The following TLE3 variants were observed in gnomAD, a reference collection of about 807,000 sequenced individuals.
TLE3 encodes the protein transducin-like enhancer protein 3.
A neutral mutation model predicts 93.0 loss-of-function variants in TLE3; 14 were observed. That is an observed-to-expected ratio of 0.15 (90% CI 0.10 to 0.24). The LOEUF (loss-of-function observed/expected upper bound fraction) is 0.24. TLE3 is among the 10% of genes least tolerant of loss of function. The pLI, the probability that TLE3 is intolerant of heterozygous loss-of-function variation, is 1.00. For missense variants in TLE3, 693 were observed against 1,046.6 expected (o/e 0.66, Z 4.66); for synonymous variants, 451 against 425.0 (o/e 1.06, Z -0.75).
At chr15:70,096,555 A>G in intron 1 of TLE3, 1 of 1,434,516 alleles carries the variant, frequency 7.0e-7, no homozygotes, top group Admixed American at 2.0e-5. Flanking sequence ...GACCGCGTGA[A>G]CAGCTCCCCC....
chr15:70,085,303 A>G (rs1045030826), intron 4 of TLE3, among the ~76,000 whole-genome samples: 2 of 152,180 alleles, frequency 1.3e-5, no homozygotes, highest in Non-Finnish European at 2.9e-5. Context: ...CATGAAGACA[A>G]ATCTCCCAGC....
intron 6 of TLE3, among the ~76,000 whole-genome samples, chr15:70,072,902 A>G (rs2057257320): frequency 6.6e-6 from 1 of 152,240 alleles, no homozygotes; most frequent in South Asian, 2.1e-4. Context: ...ACATTAAAAT[A>G]TCATGATTTC....
At chr15:70,059,489 A>C in intron 9 of TLE3, 29 bp from the exon 10 acceptor site, 1 of 1,595,024 alleles carries the variant, frequency 6.3e-7, no homozygotes, top group Non-Finnish European at 8.5e-7. Flanking sequence ...CCAACTGGTC[A>C]GTAAGAGGCC....
chr15:70,067,039 C>A, intron 6 of TLE3: 1 of 174,158 alleles, frequency 5.7e-6, no homozygotes, highest in Non-Finnish European at 1.3e-5. Context: ...CAGTAGCTAA[C>A]ATTTACAAAG....
chr15:70,068,136 T>C (rs1000734171), intron 6 of TLE3, among the ~76,000 whole-genome samples: 1 of 152,252 alleles, frequency 6.6e-6, no homozygotes, highest in Non-Finnish European at 1.5e-5. Context: ...AACTAATACA[T>C]GCCCATTTTA....
In TLE3 at chr15:70,056,905, C is replaced by T. The variant is rs185978023; in HGVS notation, c.1252-531G>A. Among the ~76,000 whole-genome samples, 494 of 152,208 alleles carry T rather than the reference C, an allele frequency of 3.2e-3. 4 individuals are homozygous for T. Among genetic ancestry groups the T allele is most frequent in the African/African-American group, 0.011 (476 of 41,504 alleles). On this transcript the variant is annotated intron_variant, in intron 13 of 19. Transcript: ENST00000451782. ...ACCTCCCGAATAGCGCCTGCCACCA[C>T]GCCCGGCTAATTTTTGTATTTTTAG...
At chr15:70,072,645 A>G (rs2057243778) in intron 6 of TLE3, among the ~76,000 whole-genome samples, 1 of 152,186 alleles carries the variant, frequency 6.6e-6, no homozygotes, top group Non-Finnish European at 1.5e-5. Context: ...CCTCCTAAAC[A>G]TCATAATCAC....
At position 70,055,077 on chromosome 15, in the gene TLE3, T is replaced by C; in HGVS notation, c.1550A>G (p.Lys517Arg). ...GCAGTCCAGCTGGGAGATGGGGCTC[T>C]TGCTGCCTGGCTGGCTGATGTCCCA... is the stretch of plus-strand genomic sequence containing the variant. ...KIWDISQPGS[K>R]SPISQLDCLN... The change falls in exon 15 of 20, where the codon AAG becomes AGG. Residue 517 changes from lysine (K) to arginine (R), a missense_variant. Coordinates refer to ENST00000451782, the MANE Select transcript of TLE3 (RefSeq NM_001105192.3). 1 of 1,613,522 alleles carries C rather than the reference T, an allele frequency of 6.2e-7. No homozygotes were observed. The highest frequency in any genetic ancestry group is 1.1e-5 in the South Asian group (1 of 90,978).
intron 17 of TLE3, 141 bp from the exon 18 acceptor site, chr15:70,052,665 T>A: frequency 1.3e-6 from 1 of 778,298 alleles, no homozygotes; most frequent in Non-Finnish European, 1.8e-6. Context: ...GTATGGGAGG[T>A]CATTTTCCAT....
At chr15:70,051,090 GC>G (rs1258518787) in intron 19 of TLE3, 4 of 230,454 alleles carry the variant, frequency 1.7e-5, no homozygotes, top group Non-Finnish European at 2.6e-5. Context: ...CCAGCCCAGA[GC>G]AAAAACACTT....
Position 70,075,997 on chromosome 15 carries a change from A to G in TLE3, c.297+99T>C, listed in dbSNP as rs2057422851. On this transcript the variant is annotated intron_variant, in intron 5 of 19. Transcript: ENST00000451782. The stretch of plus-strand genomic sequence containing the variant: ...AGTCAGTATGAATGGACAGGGGCTG[A>G]GGCTGGGGCTGGGGCTGGGGCTCAG... 7 of 1,128,606 alleles carry G rather than the reference A, an allele frequency of 6.2e-6. No individual in the cohort carries two copies. The Admixed American group carries it at 1.1e-4, about 17-fold the overall frequency. 69.9% of individuals were successfully genotyped at this position (1,128,606 alleles called of 1,614,324 possible).
At chr15:70,060,939 C>T (rs1450798440) in intron 8 of TLE3, among the ~76,000 whole-genome samples, 6 of 152,210 alleles carry the variant, frequency 3.9e-5, no homozygotes, top group Non-Finnish European at 7.3e-5. Flanking sequence ...GCCTTCTGGC[C>T]TGTGGGACTA....
chr15:70,095,575 C>T lies in TLE3; in HGVS notation c.189+3G>A. 6.4e-7 allele frequency: 1 copy of T among 1,551,220 alleles called. No individual in the cohort carries two copies. Among genetic ancestry groups the T allele is most frequent in the East Asian group, 2.4e-5 (1 of 40,882 alleles). ...GCCCCCCAGGCCCGCGGCCGCATCTCACCATCACATAATGGCGCTGCATCT... is the reference window on the plus strand; with the variant it reads ...GCCCCCCAGGCCCGCGGCCGCATCTTACCATCACATAATGGCGCTGCATCT... On this transcript the variant is annotated splice_donor_region_variant and intron_variant, in intron 3 of 19. Transcript: ENST00000451782.
chr15:70,062,707 C>T (rs966026405), intron 8 of TLE3, among the ~76,000 whole-genome samples: 5 of 152,016 alleles, frequency 3.3e-5, no homozygotes, highest in African/African-American at 7.2e-5. Flanking sequence ...TCCTTCCTGC[C>T]GTAGGCCTCA....
chr15:70,050,103 G>C lies in TLE3; in HGVS notation c.2304C>G (p.Ile768Met). Residue 768 changes from isoleucine to methionine, a missense_variant, in exon 20 of 20, where the codon ATC becomes ATG. Coordinates refer to ENST00000451782, the MANE Select transcript of TLE3 (RefSeq NM_001105192.3). ...GCCCTGCTGGAGTTCTTGTTTAGTA[G>C]ATGACCTCATAAACTGTGGCCTTCT... The part of the protein sequence containing the change: ...GDKKATVYEV[I>M]Y 1.2e-6 allele frequency: 2 copies of C among 1,613,292 alleles called. No individual in the cohort carries two copies. The highest frequency in any genetic ancestry group is 1.7e-6 in the Non-Finnish European group (2 of 1,179,264).
chr15:70,066,925 C>T (rs1260180679), intron 6 of TLE3: 1 of 386,098 alleles, frequency 2.6e-6, no homozygotes, highest in East Asian at 8.3e-5. Flanking sequence ...GTCCTGGAGC[C>T]TCAAATTTCC....
Position 70,052,528 on chromosome 15 carries a change from C to T in TLE3, c.1975-4G>A. ...GGCAGTAGCCCAGCGAGAAGATCTG[C>T]AGGTGGTGGGAGGGCAGATGGACTG... On this transcript the variant is annotated splice_polypyrimidine_tract_variant and splice_region_variant and intron_variant, in intron 17 of 19. Coordinates refer to ENST00000451782, the MANE Select transcript of TLE3 (RefSeq NM_001105192.3). 6.2e-7 allele frequency: 1 copy of T among 1,612,400 alleles called. No homozygotes were observed. Among genetic ancestry groups the T allele is most frequent in the East Asian group, 2.2e-5 (1 of 44,870 alleles).
intron 3 of TLE3, 160 bp downstream of exon 3, chr15:70,095,418 G>C (rs1314782088): frequency 2.7e-6 from 4 of 1,493,608 alleles, no homozygotes; most frequent in Admixed American, 2.5e-5. Flanking sequence ...GGCAATGGAA[G>C]CTGGGGAAGG....
chr15:70,057,337 G>T, intron 13 of TLE3, 122 bp downstream of exon 13: 1 of 1,163,446 alleles, frequency 8.6e-7, no homozygotes, highest in Non-Finnish European at 1.2e-6. Flanking sequence ...CCTTCCCACA[G>T]GGGCAGCTGC....
Sources: gnomAD v4.1 joint callset for allele counts (sites outside exome capture counted in the v4.1 genomes callset) on GRCh38, gnomAD v4.1.1 for gene constraint, MANE v1.5 for transcripts, NCBI Gene and HGNC (gene_info 2026-07-23, HGNC 2026-07-21) for gene names.